The following UROD variants were observed in gnomAD, a reference collection of about 807,000 sequenced individuals.
UROD encodes uroporphyrinogen decarboxylase, also known as uroporphyrinogen III decarboxylase.
A neutral mutation model predicts 47.1 loss-of-function variants in UROD; 34 were observed. The ratio of observed to expected loss-of-function variants is 0.72; its 90% confidence interval spans 0.55 to 0.96. The LOEUF is 0.96. Among genes scored for constraint, UROD ranks in the 40% least tolerant of loss-of-function variants. UROD has a pLI of 0.00. For synonymous variants in UROD, 148 were observed against 175.8 expected (o/e 0.84, Z 1.25); for missense variants, 381 against 471.8 (o/e 0.81, Z 1.78).
chr1:45,013,464 A>G lies in UROD; in HGVS notation c.276+110A>G. 1.2e-6 allele frequency: 2 copies of G among 1,605,738 alleles called. No homozygotes were observed. The highest frequency in any genetic ancestry group is 2.2e-5 in the East Asian group (1 of 44,848). On this transcript the variant is annotated intron_variant, in intron 4 of 9. Transcript: ENST00000246337. The surrounding 1 kb of genome is among the most constrained non-coding windows in gnomAD (Gnocchi z 4.2). ...CACTTATCCTAACTGGATCGAGGGA[A>G]AAACTAAGGTTGAAAGAAATGGAGT...
At position 45,013,939 on chromosome 1, in the gene UROD, G is replaced by T; in HGVS notation, c.505G>T (p.Gly169Cys). 2 of 1,614,202 alleles carry T rather than the reference G, an allele frequency of 1.2e-6. No individual in the cohort carries two copies. The highest frequency in any genetic ancestry group is 1.7e-6 in the Non-Finnish European group (2 of 1,180,042). ...WTLMTYMVEG[G>C]GSSTMAQAKR... ...CCTGATGACATACATGGTTGAGGGT[G>T]GTGGCTCAAGCACCATGGCTCAGGC... The change falls in exon 6 of 10, where the codon GGT (glycine) becomes TGT (cysteine). Residue 169 changes from glycine (G) to cysteine (C), a missense_variant. Physicochemically the swap from Gly to Cys is radical, Grantham distance 159. Coordinates refer to ENST00000246337, the MANE Select transcript of UROD (RefSeq NM_000374.5). This position sits in a 1 kb window ranked among gnomAD's most constrained non-coding sequence, Gnocchi z 4.2.
In UROD at chr1:45,012,956, T is replaced by TG; in HGVS notation, c.74dup (p.Glu26ArgfsTer22). On this transcript the variant is annotated frameshift_variant, in exon 2 of 10. Transcript: ENST00000246337. LOFTEE classifies it high-confidence loss of function. ...GAATGACACATTCCTGCGAGCAGCC[T>TG]GGGGAGAGGAAACAGACTACACTCC... The TG allele has an allele frequency of 6.2e-7, 1 of 1,612,934 alleles. No individual in the cohort carries two copies.
At position 45,013,028 on chromosome 1, in the gene UROD, C is replaced by T. The variant is rs759921569; in HGVS notation, c.133+9C>T. ...AGGCCGTTACTTACCAGGTAAGAGT[C>T]AGGGTCTGGAAATCTAGATAAAACT... is the stretch of plus-strand genomic sequence containing the variant. On this transcript the variant is annotated intron_variant, in intron 2 of 9. Transcript: ENST00000246337. The surrounding 1 kb of genome is among the most constrained non-coding windows in gnomAD (Gnocchi z 4.2). 1.9e-6 allele frequency: 3 copies of T among 1,614,130 alleles called. No homozygotes were observed. Among genetic ancestry groups the T allele is most frequent in the Non-Finnish European group, 2.5e-6 (3 of 1,180,036 alleles).
chr1:45,012,790 G>A, intron 1 of UROD, 117 bp from the exon 2 acceptor site: 1 of 1,548,032 alleles, frequency 6.5e-7, no homozygotes, highest in Non-Finnish European at 8.7e-7. Context: ...GGGTTTGGGA[G>A]CTGGCCTGGA....
In UROD at chr1:45,013,187, C is replaced by CT; in HGVS notation, c.186dup (p.Glu63Ter). On this transcript the variant is annotated frameshift_variant, in exon 3 of 10. Transcript: ENST00000246337. LOFTEE classifies it high-confidence loss of function. This position sits in a 1 kb window ranked among gnomAD's most constrained non-coding sequence, Gnocchi z 4.2. ...GACTTTTTCAGCACGTGTCGCTCTC[C>CT]TGAGGCCTGCTGTGAACTGACTCTG... 1.2e-6 allele frequency: 2 copies of CT among 1,614,184 alleles called. No individual in the cohort carries two copies. Among genetic ancestry groups the CT allele is most frequent in the Non-Finnish European group, 1.7e-6 (2 of 1,180,034 alleles).
chr1:45,015,158 G>C, intron 9 of UROD, 152 bp downstream of exon 9: 1 of 1,437,868 alleles, frequency 7.0e-7, no homozygotes, highest in Admixed American at 2.0e-5. Flanking sequence ...TTTTGTTGCT[G>C]TTGTTCATTT....
rs1354672752 is a variant in UROD, at chr1:45,013,521, C to G, written c.277-73C>G. Reference sequence around the variant, plus strand: ...GAGTTTTATTCTCCTTTTCCTTCCTCCTGGAATGAGCTGAACAGAACCTTT... The same window carrying G: ...GAGTTTTATTCTCCTTTTCCTTCCTGCTGGAATGAGCTGAACAGAACCTTT... On this transcript the variant is annotated intron_variant, in intron 4 of 9. Coordinates refer to ENST00000246337, the MANE Select transcript of UROD (RefSeq NM_000374.5). This position sits in a 1 kb window ranked among gnomAD's most constrained non-coding sequence, Gnocchi z 4.2. 1 of 1,610,186 alleles carries G rather than the reference C, an allele frequency of 6.2e-7. No individual in the cohort carries two copies. Among genetic ancestry groups the G allele is most frequent in the East Asian group, 2.2e-5 (1 of 44,866 alleles).
intron 9 of UROD, 46 bp from the exon 10 acceptor site, chr1:45,015,291 A>T: frequency 1.9e-6 from 3 of 1,610,998 alleles, no homozygotes; most frequent in Non-Finnish European, 2.5e-6. Flanking sequence ...AGGGAGGACA[A>T]AGGCTTGCTG....
intron 7 of UROD, 37 bp downstream of exon 7, chr1:45,014,613 T>A (rs774911805): frequency 6.2e-7 from 1 of 1,614,000 alleles, no homozygotes; most frequent in South Asian, 1.1e-5. Context: ...GGTGGTCCTG[T>A]GGAGCTTTCA....
Position 45,013,554 on chromosome 1 carries a change from G to A in UROD, c.277-40G>A, listed in dbSNP as rs765233452. The A allele has an allele frequency of 2.5e-6, 4 of 1,613,806 alleles. No individual in the cohort carries two copies. Among genetic ancestry groups the A allele is most frequent in the Non-Finnish European group, 1.7e-6 (2 of 1,179,830 alleles). On this transcript the variant is annotated intron_variant, in intron 4 of 9. Coordinates refer to ENST00000246337, the MANE Select transcript of UROD (RefSeq NM_000374.5). This position sits in a 1 kb window ranked among gnomAD's most constrained non-coding sequence, Gnocchi z 4.2. ...GAGCTGAACAGAACCTTTCCTCCTG[G>A]ATTCCATTTTGGGAACCCAGATGTT... is the stretch of plus-strand genomic sequence containing the variant.
rs755318566 is a variant in UROD, at chr1:45,015,024, T to G, written c.942+18T>G. The G allele has an allele frequency of 1.2e-6, 2 of 1,612,890 alleles. No individual in the cohort carries two copies. Among genetic ancestry groups the G allele is most frequent in the Admixed American group, 3.3e-5 (2 of 60,016 alleles). ...CATCTGAGGTAACAGCCAGGGCCCCTCTGTGTGTCTGTTACTGTGCACTCC... is the reference window on the plus strand; with the variant it reads ...CATCTGAGGTAACAGCCAGGGCCCCGCTGTGTGTCTGTTACTGTGCACTCC... On this transcript the variant is annotated intron_variant, in intron 9 of 9. Coordinates refer to ENST00000246337, the MANE Select transcript of UROD (RefSeq NM_000374.5).
intron 6 of UROD, 62 bp downstream of exon 6, chr1:45,014,132 T>C (rs767699105): frequency 1.2e-6 from 2 of 1,611,570 alleles, no homozygotes; most frequent in Admixed American, 3.3e-5. Flanking sequence ...GAAGCAAGAG[T>C]GTCCTAAACC....
intron 1 of UROD, 66 bp from the exon 2 acceptor site, chr1:45,012,841 C>T (rs1268545492): frequency 1.3e-6 from 2 of 1,598,186 alleles, no homozygotes; most frequent in Admixed American, 1.8e-5. Context: ...GCCTTATGAA[C>T]CCGCGCTTTC....
At chr1:45,014,307 T>C (rs199764876) in intron 6 of UROD, 132 bp from the exon 7 acceptor site, 2 of 1,457,578 alleles carry the variant, frequency 1.4e-6, no homozygotes, top group African/African-American at 2.9e-5. Context: ...TTTTTTTTTT[T>C]AATTACTGGG....
At chr1:45,014,291 T>C (rs1453393663) in intron 6 of UROD, 148 bp from the exon 7 acceptor site, 10 of 1,402,054 alleles carry the variant, frequency 7.1e-6, no homozygotes, top group African/African-American at 6.0e-5. Context: ...CTGAGGAAAG[T>C]AAATTTTTTT....
chr1:45,014,827 A>G lies in UROD; in HGVS notation c.866A>G (p.Lys289Arg), dbSNP rs1222532441. ...VVGLDWTVAPKKARECVGKTV... is the reference protein window; with the variant it reads ...VVGLDWTVAPRKARECVGKTV... ...GGGCTTGACTGGACAGTGGCCCCAA[A>G]GAAAGCCCGGTAAGCCATGGAAGGG... The change falls in exon 8 of 10, where the codon AAG (lysine) becomes AGG (arginine). Residue 289 changes from lysine to arginine, a missense_variant. Lys to Arg is a conservative substitution (Grantham distance 26, BLOSUM62 2). Transcript: ENST00000246337. The G allele has an allele frequency of 1.4e-5, 23 of 1,614,252 alleles. No homozygotes were observed. Among genetic ancestry groups the G allele is most frequent in the Non-Finnish European group, 1.9e-5 (22 of 1,180,040 alleles).
Position 45,014,010 on chromosome 1 carries a change from T to A in UROD, c.576T>A (p.Leu192=), listed in dbSNP as rs1367228474. Reference sequence around the variant, plus strand: ...GACCTCAGGCTAGTCACCAGCTGCTTCGCATCCTCACTGATGCTCTGGTCC... The same window carrying A: ...GACCTCAGGCTAGTCACCAGCTGCTACGCATCCTCACTGATGCTCTGGTCC... ...YQRPQASHQL[L]RILTDALVPY... is the part of the protein sequence containing the mutation. Residue 192 remains leucine (L), a synonymous_variant, in exon 6 of 10, where the codon CTT becomes CTA. Transcript: ENST00000246337. 11 of 1,614,118 alleles carry A rather than the reference T, an allele frequency of 6.8e-6. No individual in the cohort carries two copies. The highest frequency in any genetic ancestry group is 9.3e-6 in the Non-Finnish European group (11 of 1,180,044).
Position 45,015,562 on chromosome 1 carries a change from G to T in UROD, c.*64G>T. The T allele has an allele frequency of 6.2e-7, 1 of 1,612,322 alleles. No homozygotes were observed. The highest frequency in any genetic ancestry group is 8.5e-7 in the Non-Finnish European group (1 of 1,179,580). On this transcript the variant is annotated 3_prime_UTR_variant, in exon 10 of 10. Coordinates refer to ENST00000246337, the MANE Select transcript of UROD (RefSeq NM_000374.5). ...ATTGATCGTTTCCAGGACAATAAAA[G>T]TTTCGGAGTTGAACTATTGTGTAGT...
At chr1:45,014,111 T>C in intron 6 of UROD, 41 bp downstream of exon 6, 1 of 1,613,358 alleles carries the variant, frequency 6.2e-7, no homozygotes, top group Non-Finnish European at 8.5e-7. Flanking sequence ...GGATTTGGTC[T>C]GTAAGGACCA....
Sources: allele counts gnomAD v4.1 joint callset, GRCh38; gene constraint gnomAD v4.1.1; non-coding constraint Gnocchi (gnomAD v3.1); transcripts MANE v1.5; gene names NCBI Gene and HGNC (gene_info 2026-07-23, HGNC 2026-07-21).